The following EDNRA variants were observed in gnomAD, a reference collection of about 807,000 sequenced individuals.
The protein encoded by EDNRA is endothelin receptor type A.
Under a neutral mutation model 41.4 loss-of-function variants are expected in EDNRA, and 11 were observed. The ratio of observed to expected loss-of-function variants is 0.27; its 90% CI spans 0.17 to 0.44. The LOEUF is 0.44. Among genes scored for constraint, EDNRA ranks in the 20% least tolerant of loss-of-function variants. The pLI, the probability that EDNRA is intolerant of heterozygous loss-of-function variation, is 1.00. For synonymous variants in EDNRA, 172 were observed against 183.0 expected, an observed-to-expected ratio of 0.94 and a Z score of 0.49; for missense variants, 294 against 531.0, an observed-to-expected ratio of 0.55 and a Z score of 4.39.
intron 7 of EDNRA, among the ~76,000 whole-genome samples, chr4:147,541,116 G>A (rs7690347): frequency 0.34 from 50,178 of 146,820 alleles, 10,145 homozygotes; most frequent in African/African-American, 0.57. Context: ...ACTAAATGCT[G>A]TTTAATTGTG....
intron 2 of EDNRA, chr4:147,490,149 A>ACT (rs2126381511): frequency 3.6e-5 from 1 of 27,904 alleles, no homozygotes; most frequent in South Asian, 1.2e-3. Flanking sequence ...ACATACACTC[A>ACT]CACACACACA....
chr4:147,522,545 A>G (rs556887800), intron 3 of EDNRA, among the ~76,000 whole-genome samples: 2 of 147,528 alleles, frequency 1.4e-5, no homozygotes, highest in African/African-American at 4.9e-5. Context: ...CTCTGTCTCA[A>G]AAAAAAAAAA....
intron 2 of EDNRA, among the ~76,000 whole-genome samples, chr4:147,500,784 C>G (rs1307774497): frequency 6.6e-6 from 1 of 151,262 alleles, no homozygotes; most frequent in Non-Finnish European, 1.5e-5. Flanking sequence ...GGAGACCCAT[C>G]CTTAGGGCTC....
intron 2 of EDNRA, among the ~76,000 whole-genome samples, chr4:147,499,052 T>C (rs1560898337): frequency 6.6e-6 from 1 of 152,240 alleles, no homozygotes; most frequent in Non-Finnish European, 1.5e-5. Context: ...CAAGTCATTC[T>C]TTTTCTTTTT....
At chr4:147,520,254 T>C (rs1380526566) in intron 3 of EDNRA, among the ~76,000 whole-genome samples, 1 of 152,214 alleles carries the variant, frequency 6.6e-6, no homozygotes, top group Admixed American at 6.5e-5. Flanking sequence ...ACATATTAGA[T>C]GGAATAAACT....
chr4:147,535,645 A>C (rs1730894358), intron 4 of EDNRA, among the ~76,000 whole-genome samples: 1 of 152,220 alleles, frequency 6.6e-6, no homozygotes, highest in South Asian at 2.1e-4. Flanking sequence ...TTGTCAAGAT[A>C]ATTTTTGTAA....
At chr4:147,540,528 G>A in intron 7 of EDNRA, 43 bp downstream of exon 7, 1 of 1,415,784 alleles carries the variant, frequency 7.1e-7, no homozygotes, top group Non-Finnish European at 9.8e-7. Flanking sequence ...AACAAAATGA[G>A]TATATTAAAC....
intron 2 of EDNRA, chr4:147,492,324 T>TG (rs1171084496): frequency 6.6e-6 from 1 of 152,228 alleles, no homozygotes; most frequent in African/African-American, 2.4e-5. Context: ...GTACTATAGT[T>TG]GCCTCTGTTA....
At chr4:147,491,432 T>TA (rs1324647085) in intron 2 of EDNRA, 1 of 152,194 alleles carries the variant, frequency 6.6e-6, no homozygotes, top group African/African-American at 2.4e-5. Flanking sequence ...TGTCACAACT[T>TA]ACAGATTAGA....
At chr4:147,540,667 A>G (rs573436677) in intron 7 of EDNRA, among the ~76,000 whole-genome samples, 182 bp downstream of exon 7, 151 of 152,328 alleles carry the variant, frequency 9.9e-4, no homozygotes, top group African/African-American at 3.4e-3. Context: ...ACAGAAAAGC[A>G]GTTCCTATTT....
intron 3 of EDNRA, among the ~76,000 whole-genome samples, chr4:147,522,448 G>A (rs1046034891): frequency 2.0e-5 from 3 of 151,952 alleles, no homozygotes; most frequent in East Asian, 1.9e-4. Flanking sequence ...TAAGGCACAA[G>A]AATCGCTTGA....
rs200681300 is a variant in EDNRA, at chr4:147,544,212, A to G, written c.*1594A>G. The G allele has an allele frequency of 2.6e-5, 4 of 152,914 alleles. No individual in the cohort carries two copies. Among genetic ancestry groups the G allele is most frequent in the Non-Finnish European group, 2.9e-5 (2 of 68,042 alleles). 9.5% of individuals were successfully genotyped at this position (152,914 alleles called of 1,614,324 possible). On this transcript the variant is annotated 3_prime_UTR_variant, in exon 8 of 8. Coordinates refer to ENST00000651419, the MANE Select transcript of EDNRA (RefSeq NM_001957.4). Reference sequence around the variant, plus strand: ...CCTGCCTCAGTCCATTTTAACCTGTAGCAACCTTCTGCATTCATAAATCTT... The same window carrying G: ...CCTGCCTCAGTCCATTTTAACCTGTGGCAACCTTCTGCATTCATAAATCTT...
chr4:147,540,567 T>TAATACTGGAATC, intron 7 of EDNRA, 82 bp downstream of exon 7: 1 of 920,352 alleles, frequency 1.1e-6, no homozygotes, highest in Non-Finnish European at 1.6e-6. Context: ...ATTCCAGTTG[T>TAATACTGGAATC]AATATTACTT....
Position 147,485,600 on chromosome 4 carries a change from C to T in EDNRA, c.-70-12C>T. On this transcript the variant is annotated splice_polypyrimidine_tract_variant and intron_variant, in intron 1 of 7. Coordinates refer to ENST00000651419, the MANE Select transcript of EDNRA (RefSeq NM_001957.4). ...GGTTTTGGAACAAAAATTATTTTTC[C>T]TTTTGTTTCAGGTGAAAAAAAAGTG... The T allele has an allele frequency of 2.5e-5, 37 of 1,463,760 alleles. No homozygotes were observed. Among genetic ancestry groups the T allele is most frequent in the South Asian group, 1.7e-4 (12 of 70,134 alleles). 90.7% of individuals were successfully genotyped at this position (1,463,760 alleles called of 1,614,324 possible).
intron 2 of EDNRA, among the ~76,000 whole-genome samples, chr4:147,515,751 T>C (rs1320568014): frequency 6.6e-6 from 1 of 152,168 alleles, no homozygotes; most frequent in Non-Finnish European, 1.5e-5. Flanking sequence ...ATGTTCCCCA[T>C]ACTTAAGAGG....
chr4:147,510,623 G>C (rs1729886817), intron 2 of EDNRA, among the ~76,000 whole-genome samples: 1 of 152,162 alleles, frequency 6.6e-6, no homozygotes, highest in African/African-American at 2.4e-5. Context: ...TATACAATAT[G>C]ATGCTTACAG....
chr4:147,501,588 T>C (rs2126409777), intron 2 of EDNRA, among the ~76,000 whole-genome samples: 1 of 152,310 alleles, frequency 6.6e-6, no homozygotes, highest in East Asian at 1.9e-4. Flanking sequence ...CATGCAAATA[T>C]AAGAAAATCC....
Position 147,539,959 on chromosome 4 carries a change from C to T in EDNRA, c.1034+9C>T, listed in dbSNP as rs768757509. On this transcript the variant is annotated intron_variant, in intron 6 of 7. Coordinates refer to ENST00000651419, the MANE Select transcript of EDNRA (RefSeq NM_001957.4). ...CGATGTGAATTACTTAGGTATGATC[C>T]TGTGTACTCGCTAGAAAATTGGAGT... 6 of 1,576,648 alleles carry T rather than the reference C, an allele frequency of 3.8e-6. No individual in the cohort carries two copies. The highest frequency in any genetic ancestry group is 1.7e-4 in the Middle Eastern group (1 of 5,876).
chr4:147,504,204 C>T (rs138651699), intron 2 of EDNRA, among the ~76,000 whole-genome samples: 2 of 152,228 alleles, frequency 1.3e-5, no homozygotes, highest in African/African-American at 2.4e-5. Flanking sequence ...TTCTTTGATA[C>T]GACATCAAAA....
Sources: gnomAD v4.1 joint callset for allele counts (sites outside exome capture counted in the v4.1 genomes callset) on GRCh38, gnomAD v4.1.1 for gene constraint, MANE v1.5 for transcripts, NCBI Gene and HGNC (gene_info 2026-07-23, HGNC 2026-07-21) for gene names.